The following CCDC73 variants were observed in gnomAD, a reference collection of about 807,000 sequenced individuals.
The protein encoded by CCDC73 is coiled-coil domain containing 73.
In CCDC73, 95 loss-of-function variants were observed where a neutral mutation model predicts 116.5. That is an observed-to-expected ratio of 0.82 (90% CI 0.69 to 0.97). The LOEUF is 0.97. Ranked by LOEUF, CCDC73 falls within the 50% of genes least tolerant of loss-of-function variation. CCDC73 has a pLI of 0.00. For synonymous variants in CCDC73, 398 were observed against 401.3 expected, an observed-to-expected ratio of 0.99 and a Z score of 0.10; for missense variants, 1,066 against 1,206.8, an observed-to-expected ratio of 0.88 and a Z score of 1.73.
the CCDC73 span, among the ~76,000 whole-genome samples, chr11:32,812,404 A>G: frequency 0.87 from 133,003 of 152,210 alleles, 58,235 homozygotes; most frequent in East Asian, 0.99. Flanking sequence ...AGTGGCTCAC[A>G]CCTGTAATCC....
the CCDC73 span, among the ~76,000 whole-genome samples, chr11:32,811,716 T>TA: frequency 6.6e-6 from 1 of 152,002 alleles, no homozygotes; most frequent in African/African-American, 2.4e-5. Flanking sequence ...TAGACTCTTT[T>TA]AAACAACCAG....
chr11:32,608,710 C>T (rs1233141234), intron 17 of CCDC73, among the ~76,000 whole-genome samples: 8 of 152,232 alleles, frequency 5.3e-5, no homozygotes, highest in African/African-American at 1.4e-4. Flanking sequence ...ATTGCCCTAG[C>T]AGAGGTTCTC....
At chr11:32,669,399 T>C (rs1399578377) in intron 9 of CCDC73, among the ~76,000 whole-genome samples, 1 of 152,322 alleles carries the variant, frequency 6.6e-6, no homozygotes, top group Non-Finnish European at 1.5e-5. Context: ...GTATGCAGTG[T>C]GTAATAGTCA....
At chr11:32,642,447 A>T (rs2133250775) in intron 12 of CCDC73, among the ~76,000 whole-genome samples, 1 of 152,064 alleles carries the variant, frequency 6.6e-6, no homozygotes, top group Middle Eastern at 3.4e-3. Flanking sequence ...ACCATAGAAC[A>T]TTTTTTCCAT....
At chr11:32,774,306 T>G (rs945993054) in intron 1 of CCDC73, among the ~76,000 whole-genome samples, 2 of 152,220 alleles carry the variant, frequency 1.3e-5, no homozygotes, top group Non-Finnish European at 2.9e-5. Context: ...CTAAGCAAAC[T>G]TCTGAACTTT....
At chr11:32,783,873 C>A (rs1053767593) in intron 1 of CCDC73, among the ~76,000 whole-genome samples, 2 of 152,126 alleles carry the variant, frequency 1.3e-5, no homozygotes, top group African/African-American at 2.4e-5. Flanking sequence ...GACACCTGTA[C>A]GAAGACAGAG....
chr11:32,645,122 A>ACC (rs1177770342), intron 12 of CCDC73, among the ~76,000 whole-genome samples: 35 of 152,158 alleles, frequency 2.3e-4, no homozygotes, highest in African/African-American at 8.2e-4. Flanking sequence ...AGTCAGGATT[A>ACC]TCCATATTAT....
intron 16 of CCDC73, among the ~76,000 whole-genome samples, chr11:32,613,089 A>T (rs962116197): frequency 2.6e-5 from 4 of 152,178 alleles, no homozygotes; most frequent in African/African-American, 9.7e-5. Context: ...GGGTGAAGGG[A>T]CAGATAAAAA....
chr11:32,695,916 A>G (rs1449385622), intron 6 of CCDC73, among the ~76,000 whole-genome samples: 1 of 151,908 alleles, frequency 6.6e-6, no homozygotes, highest in East Asian at 1.9e-4. Context: ...AGGAGTTTTT[A>G]CATGAGCTAC....
chr11:32,704,168 G>A (rs1296639640), intron 3 of CCDC73, among the ~76,000 whole-genome samples: 2 of 152,196 alleles, frequency 1.3e-5, no homozygotes, highest in African/African-American at 4.8e-5. Flanking sequence ...GCTCCCAGGT[G>A]CAGCTACAGC....
At chr11:32,689,635 G>A (rs1466917081) in intron 6 of CCDC73, among the ~76,000 whole-genome samples, 1 of 151,822 alleles carries the variant, frequency 6.6e-6, no homozygotes, top group Non-Finnish European at 1.5e-5. Flanking sequence ...AAAGAAAAAG[G>A]TCATTATAAA....
chr11:32,625,869 T>C (rs1343018144), intron 14 of CCDC73, among the ~76,000 whole-genome samples: 1 of 150,926 alleles, frequency 6.6e-6, no homozygotes, highest in Non-Finnish European at 1.5e-5. Flanking sequence ...CCACAGCCAA[T>C]ATCATACTGA....
chr11:32,730,088 T>C (rs983396707), intron 2 of CCDC73, among the ~76,000 whole-genome samples: 1 of 152,236 alleles, frequency 6.6e-6, no homozygotes, highest in Non-Finnish European at 1.5e-5. Context: ...AATTCCACAC[T>C]AGAATTCTCC....
rs773786015 is a variant in CCDC73 at position 32,614,546 on chromosome 11, T to G, written c.1772A>C (p.Asn591Thr). The stretch of plus-strand genomic sequence containing the variant: ...CTCATTTTCAGAAACATCTTTATTA[T>G]TATTGTGATATGTATTGTGTGCTGT... ...NETAHNTYHN[N>T]NKDVSENEPF... is the part of the protein sequence containing the mutation. The change falls in exon 16 of 18, where the codon AAT becomes ACT. Residue 591 changes from asparagine to threonine, a missense_variant. Asn to Thr is a moderately conservative substitution (Grantham distance 65). Coordinates refer to ENST00000335185, the MANE Select transcript of CCDC73 (RefSeq NM_001008391.4). 1 of 1,613,218 alleles carries G rather than the reference T, an allele frequency of 6.2e-7. No homozygotes were observed.
intron 2 of CCDC73, chr11:32,758,285 G>GT (rs1850360499): frequency 2.1e-6 from 1 of 470,000 alleles, no homozygotes; most frequent in African/African-American, 2.0e-5. Context: ...AGCATTTGAC[G>GT]TATCATCATG....
At chr11:32,749,369 T>C (rs1232600806) in intron 2 of CCDC73, among the ~76,000 whole-genome samples, 1 of 152,174 alleles carries the variant, frequency 6.6e-6, no homozygotes, top group East Asian at 1.9e-4. Flanking sequence ...TCTGCTTGAC[T>C]CTTTTTTAAT....
chr11:32,799,382 A>C (rs1211725291), upstream of CCDC73, among the ~76,000 whole-genome samples: 1 of 151,764 alleles, frequency 6.6e-6, no homozygotes, highest in African/African-American at 2.4e-5. Context: ...ATGAGCCACC[A>C]TGCCTGGCCC....
chr11:32,815,939 G>A, the CCDC73 span, among the ~76,000 whole-genome samples: 1 of 152,158 alleles, frequency 6.6e-6, no homozygotes, highest in African/African-American at 2.4e-5. Flanking sequence ...TAAGGAATGG[G>A]TATAAAAAGA....
intron 2 of CCDC73, among the ~76,000 whole-genome samples, chr11:32,732,027 T>C (rs906053370): frequency 1.3e-5 from 2 of 152,100 alleles, no homozygotes; most frequent in Admixed American, 6.5e-5. Context: ...TGAAAAAAGA[T>C]TGGACGAATG....
Sources: allele counts gnomAD v4.1 joint callset (sites outside exome capture counted in the v4.1 genomes callset), GRCh38; gene constraint gnomAD v4.1.1; transcripts MANE v1.5; gene names NCBI Gene and HGNC (gene_info 2026-07-23, HGNC 2026-07-21).